DET1: variants seen among roughly 807,000 people sequenced by gnomAD.
The protein encoded by DET1 is DET1 partner of COP1 E3 ubiquitin ligase, also known as DET1 homolog.
In DET1, 22 loss-of-function variants were observed where a neutral mutation model predicts 43.7. The ratio of observed to expected loss-of-function variants is 0.50; its 90% CI spans 0.36 to 0.72. The LOEUF (loss-of-function observed/expected upper bound fraction) is 0.72. DET1 is among the 30% of genes least tolerant of loss of function. The probability of loss-of-function intolerance (pLI) is 0.00; values close to 1 mark genes in which losing one functional copy is unlikely to be tolerated. For synonymous variants in DET1, 315 were observed against 266.2 expected, an observed-to-expected ratio of 1.18 and a Z score of -1.79; for missense variants, 713 against 713.3, an observed-to-expected ratio of 1.00 and a Z score of 0.00.
chr15:88,506,693 C>T (rs2056145550), intron 7 of DET1, among the ~76,000 whole-genome samples: 1 of 152,102 alleles, frequency 6.6e-6, no homozygotes, highest in African/African-American at 2.4e-5. Context: ...ATGAAGCTAC[C>T]ATTCTTTTAA....
chr15:88,532,741 C>G (rs1447613471), intron 1 of DET1, among the ~76,000 whole-genome samples: 1 of 152,080 alleles, frequency 6.6e-6, no homozygotes, highest in African/African-American at 2.4e-5. Flanking sequence ...TAGCCACATG[C>G]AAAAGAATGA....
intron 1 of DET1, among the ~76,000 whole-genome samples, chr15:88,539,437 C>G (rs1257782152): frequency 6.8e-6 from 1 of 147,094 alleles, no homozygotes; most frequent in East Asian, 2.0e-4. Context: ...GAGGGCCCCC[C>G]CTTGTCTGTC....
chr15:88,533,407 A>G (rs1363185732), intron 1 of DET1, among the ~76,000 whole-genome samples: 3 of 152,226 alleles, frequency 2.0e-5, no homozygotes, highest in Non-Finnish European at 2.9e-5. Flanking sequence ...GAACTACCAT[A>G]AGATCCAACA....
chr15:88,537,870 T>C (rs1049431552), intron 1 of DET1, among the ~76,000 whole-genome samples: 2 of 152,248 alleles, frequency 1.3e-5, no homozygotes, highest in Non-Finnish European at 2.9e-5. Flanking sequence ...AAGTGTTCCC[T>C]GACCATCCTA....
intron 1 of DET1, among the ~76,000 whole-genome samples, chr15:88,536,659 T>C (rs1488412553): frequency 6.7e-6 from 1 of 148,664 alleles, no homozygotes; most frequent in East Asian, 2.0e-4. Flanking sequence ...GGACTCCAGC[T>C]ACACAGGAGG....
chr15:88,535,843 A>T (rs953653924), intron 1 of DET1, among the ~76,000 whole-genome samples: 145 of 152,222 alleles, frequency 9.5e-4, no homozygotes, highest in African/African-American at 3.4e-3. Flanking sequence ...GAAGGGAGAG[A>T]GGAAGGAAGC....
rs943899112 is a variant in DET1, at chr15:88,531,192, C to CA, written c.513dup (p.Glu172Ter). ...ACTGATTCACTGTTCCGATATACCT[C>CA]AAAAAATGGAGGGTGAGGCTCATCT... is the stretch of plus-strand genomic sequence containing the variant. On this transcript the variant is annotated frameshift_variant, in exon 2 of 5. Transcript: ENST00000268148. LOFTEE classifies it high-confidence loss of function. This position sits in a 1 kb window ranked among gnomAD's most constrained non-coding sequence, Gnocchi z 6.2. 1.2e-6 allele frequency: 2 copies of CA among 1,613,434 alleles called. No homozygotes were observed. Among genetic ancestry groups the CA allele is most frequent in the African/African-American group, 2.7e-5 (2 of 74,840 alleles).
chr15:88,511,181 C>T (rs2056196662), downstream of DET1, among the ~76,000 whole-genome samples: 1 of 152,176 alleles, frequency 6.6e-6, no homozygotes. Context: ...GCAGCATTCA[C>T]ACCCTCCTGT....
At chr15:88,524,890 T>C (rs1431286471) in intron 3 of DET1, among the ~76,000 whole-genome samples, 1 of 152,104 alleles carries the variant, frequency 6.6e-6, no homozygotes, top group African/African-American at 2.4e-5. Context: ...CCCTCCACTA[T>C]TGTCCTATGA....
intron 1 of DET1, among the ~76,000 whole-genome samples, chr15:88,544,395 G>A (rs958822440): frequency 6.6e-6 from 1 of 152,124 alleles, no homozygotes; most frequent in South Asian, 2.1e-4. Context: ...GGAGGGCGCC[G>A]CCTATCTTGC....
At chr15:88,512,472 C>T (rs2056218853), downstream of DET1, 11 of 986,586 alleles carry the variant, frequency 1.1e-5, no homozygotes, top group South Asian at 4.2e-4. Flanking sequence ...GTCATCCAAC[C>T]ACATATATTT....
chr15:88,509,426 C>T (rs929146781), downstream of DET1, among the ~76,000 whole-genome samples: 6 of 152,136 alleles, frequency 3.9e-5, no homozygotes, highest in African/African-American at 1.2e-4. Flanking sequence ...GATTGCTCAG[C>T]GATCTTGAGT....
chr15:88,539,214 G>C (rs1370436518), intron 1 of DET1, among the ~76,000 whole-genome samples: 1 of 152,040 alleles, frequency 6.6e-6, no homozygotes, highest in Non-Finnish European at 1.5e-5. Context: ...ACAAAGGCTT[G>C]CATTTGTCTT....
In DET1 at chr15:88,516,247, G is replaced by C. The variant is rs1301915754; in HGVS notation, c.1463+535C>G. The stretch of plus-strand genomic sequence containing the variant: ...CATATATGTAGTGACAGTTGGGTCT[G>C]TGAACTAGACTTCTGTGAGGAAAGA... On this transcript the variant is annotated intron_variant, in intron 4 of 4. Coordinates refer to ENST00000268148, the MANE Select transcript of DET1 (RefSeq NM_001144074.3). The surrounding 1 kb of genome is among the most constrained non-coding windows in gnomAD (Gnocchi z 4.4). Among the ~76,000 whole-genome samples, 1 of 152,196 alleles carries C rather than the reference G, an allele frequency of 6.6e-6. No individual in the cohort carries two copies. Among genetic ancestry groups the C allele is most frequent in the Non-Finnish European group, 1.5e-5 (1 of 68,046 alleles).
In DET1 at chr15:88,512,936, G is replaced by C. The variant is rs778904277; in HGVS notation, c.*15C>G. The stretch of plus-strand genomic sequence containing the variant: ...AAGTCTTGGAAGACCAGATAATCTG[G>C]CTCTGGTGAGGCACCTACGTGCAGC... On this transcript the variant is annotated 3_prime_UTR_variant, in exon 5 of 5. Coordinates refer to ENST00000268148, the MANE Select transcript of DET1 (RefSeq NM_001144074.3). The C allele has an allele frequency of 1.2e-6, 2 of 1,610,882 alleles. No homozygotes were observed.
rs541008074 is a variant in DET1, at chr15:88,506,720, G to T, written c.*2066-2733C>A. Among the ~76,000 whole-genome samples the T allele has an allele frequency of 7.2e-5, 11 of 152,240 alleles. No individual in the cohort carries two copies. In the South Asian group the frequency reaches 2.1e-3, roughly 29 times the overall value. The stretch of plus-strand genomic sequence containing the variant: ...TTCTTTTAAAAATTATCTAATTTAG[G>T]TTTTTCACTCATTTATACTGTGCTT... On this transcript the variant is annotated intron_variant and NMD_transcript_variant, in intron 7 of 8. Transcript: ENST00000557842.
At chr15:88,533,505 A>G (rs561652359) in intron 1 of DET1, among the ~76,000 whole-genome samples, 1 of 152,304 alleles carries the variant, frequency 6.6e-6, no homozygotes, top group South Asian at 2.1e-4. Flanking sequence ...AGCGCTATTC[A>G]TAGTAGTCAA....
intron 1 of DET1, chr15:88,536,235 C>T (rs139603028): frequency 6.2e-4 from 446 of 715,516 alleles, no homozygotes; most frequent in African/African-American, 3.5e-3. Context: ...AGGCACCTTA[C>T]GTCTGCCCAC....
chr15:88,539,448 TAAAAAAAAA>T (rs34945813), intron 1 of DET1, among the ~76,000 whole-genome samples: 1 of 96,458 alleles, frequency 1.0e-5, no homozygotes, highest in East Asian at 2.9e-4. Context: ...CTTGTCTGTC[TAAAAAAAAA>T]AAAAAAAAAA....
Sources: allele counts gnomAD v4.1 joint callset (sites outside exome capture counted in the v4.1 genomes callset), GRCh38; gene constraint gnomAD v4.1.1; non-coding constraint Gnocchi (gnomAD v3.1); transcripts MANE v1.5; gene names NCBI Gene and HGNC (gene_info 2026-07-23, HGNC 2026-07-21).